The following USP6 variants were observed in gnomAD, a reference collection of about 807,000 sequenced individuals.
The protein encoded by USP6 is ubiquitin specific peptidase 6.
USP6 carries 128 observed loss-of-function variants against 175.7 expected under a neutral mutation model. That is an observed-to-expected ratio of 0.73 (90% CI 0.63 to 0.84). USP6 has a LOEUF of 0.84. Among genes scored for constraint, USP6 ranks in the 40% least tolerant of loss-of-function variants. The pLI is 0.00. For missense variants in USP6, 1,498 were observed against 1,760.3 expected (o/e 0.85, Z 2.67); for synonymous variants, 562 against 630.6 (o/e 0.89, Z 1.63).
intron 27 of USP6, 32 bp from the exon 28 acceptor site, chr17:5,145,991 T>A (rs1322362203): frequency 1.3e-6 from 2 of 1,553,632 alleles, no homozygotes; most frequent in Admixed American, 1.9e-5. Flanking sequence ...AAACCTGCAT[T>A]TTACTGATAA....
At position 5,173,067 on chromosome 17, in the gene USP6, G is replaced by A; in HGVS notation, c.*89G>A. On this transcript the variant is annotated 3_prime_UTR_variant, in exon 38 of 38. Transcript: ENST00000574788. ...TGGCAAAAGTGTCACTGAAAGACAA[G>A]CTAAATGTAGTTATTTTATCCTGTT... is the stretch of plus-strand genomic sequence containing the variant. 1.4e-6 allele frequency: 2 copies of A among 1,469,260 alleles called. No homozygotes were observed. Among genetic ancestry groups the A allele is most frequent in the East Asian group, 4.6e-5 (2 of 43,298 alleles). The allele number at this position is 1,469,260 out of a possible 1,614,324, so 91.0% of individuals were successfully genotyped here.
intron 6 of USP6, among the ~76,000 whole-genome samples, chr17:5,126,369 C>T (rs2072895432): frequency 6.6e-6 from 1 of 152,106 alleles, no homozygotes; most frequent in Non-Finnish European, 1.5e-5. Flanking sequence ...TCACGGTTCA[C>T]CAGAAGAGAC....
At chr17:5,150,746 C>A (rs2073748338) in intron 30 of USP6, among the ~76,000 whole-genome samples, 1 of 152,034 alleles carries the variant, frequency 6.6e-6, no homozygotes, top group Non-Finnish European at 1.5e-5. Flanking sequence ...GCCTGCCTCG[C>A]CCTCCCGAAG....
intron 4 of USP6, among the ~76,000 whole-genome samples, chr17:5,122,302 A>G (rs1045331124): frequency 2.1e-4 from 32 of 152,100 alleles, no homozygotes; most frequent in South Asian, 2.1e-4. Context: ...ATGGCCCTGG[A>G]TTTCTGGTTC....
intron 29 of USP6, among the ~76,000 whole-genome samples, chr17:5,147,579 G>A (rs2073647085): frequency 6.6e-6 from 1 of 152,186 alleles, no homozygotes; most frequent in Non-Finnish European, 1.5e-5. Context: ...TTAGCCACTA[G>A]TATGCTTTGT....
At chr17:5,119,240 G>A (rs1233854246) in intron 2 of USP6, among the ~76,000 whole-genome samples, 1 of 152,130 alleles carries the variant, frequency 6.6e-6, no homozygotes, top group African/African-American at 2.4e-5. Flanking sequence ...TCTTATGAAG[G>A]CAAACTTTGA....
At position 5,167,932 on chromosome 17, in the gene USP6, G is replaced by A; in HGVS notation, c.3037G>A (p.Val1013Ile). 1 of 1,610,490 alleles carries A rather than the reference G, an allele frequency of 6.2e-7. No homozygotes were observed. Among genetic ancestry groups the A allele is most frequent in the Non-Finnish European group, 8.5e-7 (1 of 1,178,682 alleles). Residue 1013 changes from valine to isoleucine, a missense_variant and splice_region_variant, in exon 34 of 38, where the codon GTT (valine) becomes ATT (isoleucine). Around this residue, in one of 2 missense-constraint regions of USP6, gnomAD observed 1,217 missense variants for 1,500.8 expected, o/e 0.81. Coordinates refer to ENST00000574788, the MANE Select transcript of USP6 (RefSeq NM_001304284.2). ...HLRYQTSQERVVDKHESVEQS... is the reference protein window; with the variant it reads ...HLRYQTSQERIVDKHESVEQS... ...TTCCTCCTGTTCCCTCTACCTACAGGTTGTAGATAAGCATGAGAGTGTGGA... is the reference window on the plus strand; with the variant it reads ...TTCCTCCTGTTCCCTCTACCTACAGATTGTAGATAAGCATGAGAGTGTGGA...
chr17:5,173,884 C>T lies in USP6; in HGVS notation c.*906C>T, dbSNP rs1419112142. 9.0e-6 allele frequency: 2 copies of T among 222,244 alleles called. No individual in the cohort carries two copies. Among genetic ancestry groups the T allele is most frequent in the Non-Finnish European group, 1.8e-5 (2 of 110,936 alleles). The allele number at this position is 222,244 out of a possible 1,614,324, so 13.8% of individuals were successfully genotyped here. ...GGTAAGCGGCATCGGAGCTAGATCACGTTTCACAATTAGTGGTTATTCTTT... is the reference window on the plus strand; with the variant it reads ...GGTAAGCGGCATCGGAGCTAGATCATGTTTCACAATTAGTGGTTATTCTTT... On this transcript the variant is annotated 3_prime_UTR_variant, in exon 38 of 38. Transcript: ENST00000574788.
chr17:5,157,494 T>G (rs1330438877), intron 31 of USP6, among the ~76,000 whole-genome samples: 3 of 152,224 alleles, frequency 2.0e-5, no homozygotes, highest in Non-Finnish European at 2.9e-5. Flanking sequence ...TTTTGTTTAG[T>G]AAAGATGAAA....
At chr17:5,171,892 G>T (rs1339803994) in intron 37 of USP6, among the ~76,000 whole-genome samples, 1 of 152,232 alleles carries the variant, frequency 6.6e-6, no homozygotes, top group African/African-American at 2.4e-5. Flanking sequence ...TTGACCGGGC[G>T]CAGTGGCTCA....
rs940128826 is a variant in USP6 at position 5,125,550 on chromosome 17, C to G, written c.-591-271C>G. ...AAAAATGGGTGCAAATGAAAACACTCTCTTGCTGTGGTCCAAGGAATCTTA... is the reference window on the plus strand; with the variant it reads ...AAAAATGGGTGCAAATGAAAACACTGTCTTGCTGTGGTCCAAGGAATCTTA... On this transcript the variant is annotated intron_variant, in intron 5 of 37. Coordinates refer to ENST00000574788, the MANE Select transcript of USP6 (RefSeq NM_001304284.2). Among the ~76,000 whole-genome samples the G allele has an allele frequency of 3.3e-4, 50 of 152,244 alleles. 1 individual carries two copies. The highest frequency in any genetic ancestry group is 1.7e-3 in the Admixed American group (26 of 15,282).
rs753207686 is a variant in USP6 at position 5,144,812 on chromosome 17, T to C, written c.1941T>C (p.Tyr647=). The C allele has an allele frequency of 1.2e-6, 2 of 1,613,276 alleles. No homozygotes were observed. Among genetic ancestry groups the C allele is most frequent in the South Asian group, 2.2e-5 (2 of 91,010 alleles). The change falls in exon 26 of 38, where the codon TAT becomes TAC. Residue 647 remains tyrosine (Y), a synonymous_variant. Coordinates refer to ENST00000574788, the MANE Select transcript of USP6 (RefSeq NM_001304284.2). ...TCAACCGAGTCCATGAAAAGCCATA[T>C]GTGGAACTGAAGGACAGTGATGGCC... is the stretch of plus-strand genomic sequence containing the variant. The part of the protein sequence containing the change: ...EDLNRVHEKP[Y]VELKDSDGRP...
chr17:5,142,101 C>T lies in USP6; in HGVS notation c.1672C>T (p.Gln558Ter), dbSNP rs774218459. 5.6e-6 allele frequency: 9 copies of T among 1,613,578 alleles called. No individual in the cohort carries two copies. In the African/African-American group the frequency reaches 1.1e-4, roughly 19 times the overall value. Residue 558 changes from glutamine (Q) to a stop codon, truncating the protein, a stop_gained, in exon 24 of 38, where the codon CAG becomes TAG. Transcript: ENST00000574788. LOFTEE classifies it high-confidence loss of function. ...QCVSNTQPLT[Q>*]YFISGRHLYE... ...CGTTAGTAACACACAGCCACTGACA[C>T]AGTATTTTATCTCAGGGAGACATCT...
chr17:5,139,404 C>G lies in USP6; in HGVS notation c.1228C>G (p.Arg410Gly). The change falls in exon 22 of 38, where the codon CGT becomes GGT. Residue 410 changes from arginine (R) to glycine (G), a missense_variant. Physicochemically the swap from Arg to Gly is moderately radical, Grantham distance 125 (BLOSUM62 -2). This residue lies in a region of USP6 where 1,217 missense variants were observed against 1,500.8 expected (regional missense o/e 0.81). Coordinates refer to ENST00000574788, the MANE Select transcript of USP6 (RefSeq NM_001304284.2). ...CTCAGCTTCCCCGCCATGGGCATCT[C>G]GTTTTTCCACGCCCTGTCCTGGTGG... ...ICSASPPWAS[R>G]FSTPCPGGAV... 6.2e-7 allele frequency: 1 copy of G among 1,613,346 alleles called. No individual in the cohort carries two copies. The highest frequency in any genetic ancestry group is 8.5e-7 in the Non-Finnish European group (1 of 1,180,032).
intron 31 of USP6, among the ~76,000 whole-genome samples, chr17:5,155,942 T>C (rs753508922): frequency 2.6e-4 from 40 of 152,196 alleles, no homozygotes; most frequent in Non-Finnish European, 5.6e-4. Flanking sequence ...AATATCCTTG[T>C]CTTCTGTGTT....
chr17:5,150,335 T>TAAAA (rs749039925), intron 30 of USP6, among the ~76,000 whole-genome samples: 7 of 139,286 alleles, frequency 5.0e-5, no homozygotes, highest in Non-Finnish European at 7.9e-5. Flanking sequence ...AATAAATAAA[T>TAAAA]AAAATAAAGT....
chr17:5,126,138 C>T (rs2072887660), intron 6 of USP6, among the ~76,000 whole-genome samples, 200 bp downstream of exon 6: 1 of 152,188 alleles, frequency 6.6e-6, no homozygotes, highest in Non-Finnish European at 1.5e-5. Flanking sequence ...GGTGTTTGCG[C>T]AAGTGCCTTC....
intron 30 of USP6, among the ~76,000 whole-genome samples, chr17:5,151,444 TGTGTGTGTGTGTGTGTGTGTG>T (rs1036941165): frequency 2.0e-5 from 3 of 151,736 alleles, no homozygotes; most frequent in Non-Finnish European, 2.9e-5. Flanking sequence ...TGTGTGTGTG[TGTGTGTGTGTGTGTGTGTGTG>T]GTGTGTGTGA....
chr17:5,148,899 T>C (rs1255812103), intron 30 of USP6, 132 bp downstream of exon 30: 1 of 1,416,106 alleles, frequency 7.1e-7, no homozygotes, highest in Non-Finnish European at 9.3e-7. Context: ...ATTTAATACT[T>C]TTACAAATTT....
Sources: allele counts gnomAD v4.1 joint callset (sites outside exome capture counted in the v4.1 genomes callset), GRCh38; gene constraint gnomAD v4.1.1; regional missense constraint gnomAD v4.1.1; transcripts MANE v1.5; gene names NCBI Gene and HGNC (gene_info 2026-07-23, HGNC 2026-07-21).